RANBP9: variants seen among roughly 807,000 people sequenced by gnomAD.
RANBP9 encodes ran-binding protein 9.
Under a neutral mutation model 84.3 loss-of-function variants are expected in RANBP9, and 15 were observed. That is an observed-to-expected ratio of 0.18 (90% CI 0.12 to 0.27). The LOEUF (loss-of-function observed/expected upper bound fraction) is 0.27, where lower values mean the gene tolerates loss of function less well. Among genes scored for constraint, RANBP9 ranks in the 10% least tolerant of loss-of-function variants. The pLI, the probability that RANBP9 is intolerant of heterozygous loss-of-function variation, is 1.00. For synonymous variants in RANBP9, 392 were observed against 349.6 expected (o/e 1.12, Z -1.35); for missense variants, 809 against 912.8 (o/e 0.89, Z 1.46).
Position 13,686,649 on chromosome 6 carries a change from C to T in RANBP9, c.683+10136G>A, listed in dbSNP as rs144164702. 3.7e-3 allele frequency among the ~76,000 whole-genome samples: 558 copies of T among 152,206 alleles called. 4 individuals are homozygous for T. Among genetic ancestry groups the T allele is most frequent in the African/African-American group, 0.013 (531 of 41,522 alleles). ...GAACTACTGGGCTCAGGCAATCCTC[C>T]CACCTCAGCTGCCAAAAGTGCTGGG... On this transcript the variant is annotated intron_variant, in intron 2 of 13. Transcript: ENST00000011619.
Position 13,649,548 on chromosome 6 carries a change from A to C in RANBP9, c.927+3111T>G, listed in dbSNP as rs866758035. 9.2e-5 allele frequency among the ~76,000 whole-genome samples: 14 copies of C among 152,150 alleles called. No homozygotes were observed. In the East Asian group the frequency reaches 1.2e-3, roughly 13 times the overall value. On this transcript the variant is annotated intron_variant, in intron 5 of 13. Transcript: ENST00000011619. ...ATTCTCACCAGTCTCTTAACTGTTAAAGACCAAATCAACCCACTAACCAGA... is the reference window on the plus strand; with the variant it reads ...ATTCTCACCAGTCTCTTAACTGTTACAGACCAAATCAACCCACTAACCAGA...
chr6:13,696,233 C>A (rs889262268), intron 2 of RANBP9, among the ~76,000 whole-genome samples: 2 of 152,144 alleles, frequency 1.3e-5, no homozygotes, highest in Admixed American at 6.5e-5. Flanking sequence ...GATACCCATA[C>A]AAACCACACA....
chr6:13,664,214 C>T (rs1485908595), intron 2 of RANBP9, among the ~76,000 whole-genome samples: 2 of 152,046 alleles, frequency 1.3e-5, no homozygotes, highest in Non-Finnish European at 2.9e-5. Context: ...TATTTGGCAG[C>T]AAATACTAGA....
rs1409420714 is a variant in RANBP9 at position 13,704,087 on chromosome 6, C to T, written c.571+6848G>A. On this transcript the variant is annotated intron_variant, in intron 1 of 13. Coordinates refer to ENST00000011619, the MANE Select transcript of RANBP9 (RefSeq NM_005493.3). ...CTCAGTATTACTTTTAAATATCTCACAAATATATCTGCCTTTCTCTGGCCT... is the reference window on the plus strand; with the variant it reads ...CTCAGTATTACTTTTAAATATCTCATAAATATATCTGCCTTTCTCTGGCCT... Among the ~76,000 whole-genome samples, 3 of 152,340 alleles carry T rather than the reference C, an allele frequency of 2.0e-5. No individual in the cohort carries two copies. The East Asian group carries it at 5.8e-4, about 29-fold the overall frequency.
At chr6:13,674,295 CAGAT>C (rs1213968246) in intron 2 of RANBP9, among the ~76,000 whole-genome samples, 3 of 151,988 alleles carry the variant, frequency 2.0e-5, no homozygotes, top group African/African-American at 7.3e-5. Context: ...TATAAAGACA[CAGAT>C]AGGTTAAAGG....
chr6:13,623,657 CT>C (rs1477019717), intron 13 of RANBP9, among the ~76,000 whole-genome samples: 1 of 152,034 alleles, frequency 6.6e-6, no homozygotes, highest in Non-Finnish European at 1.5e-5. Flanking sequence ...GCATCTTTAA[CT>C]TTTTTGGATG....
Position 13,622,234 on chromosome 6 carries a change from A to G in RANBP9, c.*128T>C. 3.2e-6 allele frequency: 3 copies of G among 943,580 alleles called. No individual in the cohort carries two copies. The highest frequency in any genetic ancestry group is 4.3e-6 in the Non-Finnish European group (3 of 700,706). The allele number at this position is 943,580 out of a possible 1,614,324, so 58.5% of individuals were successfully genotyped here. On this transcript the variant is annotated 3_prime_UTR_variant, in exon 14 of 14. Transcript: ENST00000011619. ...TGCATCATGCTGTAAACTAGGAAGC[A>G]ATGTAAAGCGACAAAAACCTGTCCC...
At chr6:13,704,612 T>C (rs1464754169) in intron 1 of RANBP9, among the ~76,000 whole-genome samples, 3 of 151,086 alleles carry the variant, frequency 2.0e-5, no homozygotes, top group Admixed American at 2.0e-4. Context: ...GCCTGGACAA[T>C]GGAGTCAGAC....
chr6:13,674,085 A>C (rs1765833561), intron 2 of RANBP9, among the ~76,000 whole-genome samples: 1 of 146,524 alleles, frequency 6.8e-6, no homozygotes, highest in African/African-American at 2.5e-5. Context: ...CCTTGTCTCA[A>C]AAAAAAAAAA....
At chr6:13,658,406 C>T (rs1373662852) in intron 3 of RANBP9, among the ~76,000 whole-genome samples, 3 of 152,072 alleles carry the variant, frequency 2.0e-5, no homozygotes, top group African/African-American at 7.2e-5. Flanking sequence ...GTCAGGGGCT[C>T]GAGACCAGCC....
chr6:13,629,325 G>A (rs1244262048), intron 12 of RANBP9, among the ~76,000 whole-genome samples: 1 of 152,128 alleles, frequency 6.6e-6, no homozygotes, highest in African/African-American at 2.4e-5. Context: ...AAACTGGGAG[G>A]AAATAAATTC....
At chr6:13,649,225 A>G (rs1765238691) in intron 5 of RANBP9, among the ~76,000 whole-genome samples, 1 of 152,156 alleles carries the variant, frequency 6.6e-6, no homozygotes, top group Non-Finnish European at 1.5e-5. Context: ...GAAAAATACT[A>G]CACTAAAAGG....
chr6:13,692,283 C>A (rs1490240885), intron 2 of RANBP9, among the ~76,000 whole-genome samples: 1 of 152,026 alleles, frequency 6.6e-6, no homozygotes, highest in Non-Finnish European at 1.5e-5. Context: ...CACCTATAAT[C>A]CCAGCACTTT....
At chr6:13,634,924 AC>A (rs890004225) in intron 10 of RANBP9, among the ~76,000 whole-genome samples, 2 of 151,500 alleles carry the variant, frequency 1.3e-5, no homozygotes, top group African/African-American at 4.9e-5. Context: ...CTCTCCCCCT[AC>A]CCCCAGCACT....
chr6:13,659,277 C>A (rs1765487884), intron 2 of RANBP9, among the ~76,000 whole-genome samples: 1 of 151,568 alleles, frequency 6.6e-6, no homozygotes, highest in Non-Finnish European at 1.5e-5. Flanking sequence ...CACACACACA[C>A]ACACACACAC....
chr6:13,696,090 C>G (rs1457749558), intron 2 of RANBP9, among the ~76,000 whole-genome samples: 4 of 151,630 alleles, frequency 2.6e-5, no homozygotes, highest in African/African-American at 9.8e-5. Context: ...GGGATAGGCA[C>G]CAAAATTCAG....
At chr6:13,638,179 A>G (rs1214689240) in intron 9 of RANBP9, among the ~76,000 whole-genome samples, 1 of 152,142 alleles carries the variant, frequency 6.6e-6, no homozygotes, top group African/African-American at 2.4e-5. Flanking sequence ...TACACATCTC[A>G]TTTAATCCTC....
Position 13,710,971 on chromosome 6 carries a change from C to G in RANBP9, c.535G>C (p.Gly179Arg). Reference protein sequence around the residue: ...WSPKDKFSYIGLSQNNLRVHY... With the variant: ...WSPKDKFSYIRLSQNNLRVHY... ...ACCCGCAGGTTGTTCTGAGAGAGGC[C>G]GATGTAGCTGAACTTGTCCTTCGGG... is the stretch of plus-strand genomic sequence containing the variant. The change falls in exon 1 of 14, where the codon GGC becomes CGC. Residue 179 changes from glycine to arginine, a missense_variant. Gly to Arg is a moderately radical substitution (Grantham distance 125). Around this residue, in one of 5 missense-constraint regions of RANBP9, gnomAD observed 302 missense variants for 240.1 expected, o/e 1.26. Transcript: ENST00000011619. The G allele has an allele frequency of 6.2e-7, 1 of 1,610,006 alleles. No homozygotes were observed. The highest frequency in any genetic ancestry group is 8.5e-7 in the Non-Finnish European group (1 of 1,178,428).
At chr6:13,642,024 C>T (rs1338798011) in intron 7 of RANBP9, among the ~76,000 whole-genome samples, 1 of 152,114 alleles carries the variant, frequency 6.6e-6, no homozygotes. Context: ...TATACAGGAC[C>T]TGTTTTATCT....
Sources: gnomAD v4.1 joint callset for allele counts (sites outside exome capture counted in the v4.1 genomes callset) on GRCh38, gnomAD v4.1.1 for gene constraint, gnomAD v4.1.1 regional missense constraint, MANE v1.5 for transcripts, NCBI Gene and HGNC (gene_info 2026-07-23, HGNC 2026-07-21) for gene names.